Variants in MKKS observed in about 807,000 individuals in gnomAD.
MKKS encodes the protein MKKS centrosomal shuttling protein, also known as molecular chaperone MKKS.
A neutral mutation model predicts 33.2 loss-of-function variants in MKKS; 29 were observed. The observed-to-expected ratio is 0.87, with a 90% confidence interval of 0.65 to 1.19. MKKS has a LOEUF of 1.19. MKKS is among the 50% of genes most tolerant of loss of function. MKKS has a pLI of 0.00. For synonymous variants in MKKS, 260 were observed against 244.0 expected (o/e 1.07, Z -0.61); for missense variants, 661 against 662.3 (o/e 1.00, Z 0.02).
In MKKS at chr20:10,413,637, G is replaced by T; in HGVS notation, c.-123C>A. ...TTAGGAATTAAAGTATGAATATGCAGCATTGTGGCTATAAAATCAAAAAGT... is the reference window on the plus strand; with the variant it reads ...TTAGGAATTAAAGTATGAATATGCATCATTGTGGCTATAAAATCAAAAAGT... On this transcript the variant is annotated 5_prime_UTR_variant, in exon 3 of 6. In the 5' UTR this introduces an upstream ATG that the reference lacks. Transcript: ENST00000347364. 1.8e-6 allele frequency: 2 copies of T among 1,082,488 alleles called. No homozygotes were observed. The highest frequency in any genetic ancestry group is 1.4e-5 in the South Asian group (1 of 73,476). 67.1% of individuals were successfully genotyped at this position (1,082,488 alleles called of 1,614,324 possible).
intron 1 of MKKS, among the ~76,000 whole-genome samples, chr20:10,423,247 C>T (rs570165914): frequency 2.1e-4 from 32 of 152,142 alleles, no homozygotes; most frequent in Admixed American, 5.9e-4. Flanking sequence ...TGGCAAAACC[C>T]GTTTCTACAA....
intron 3 of MKKS, among the ~76,000 whole-genome samples, chr20:10,409,196 C>T (rs184754874): frequency 1.4e-4 from 20 of 147,760 alleles, no homozygotes; most frequent in African/African-American, 5.1e-4. Flanking sequence ...ATGTGACAGG[C>T]TATTTTTTTT....
At chr20:10,410,155 T>C (rs1876846809) in intron 3 of MKKS, among the ~76,000 whole-genome samples, 1 of 152,056 alleles carries the variant, frequency 6.6e-6, no homozygotes, top group South Asian at 2.1e-4. Context: ...CCCAAAATCT[T>C]ATAGTATAAT....
intron 1 of MKKS, among the ~76,000 whole-genome samples, chr20:10,428,106 T>C (rs1317422438): frequency 1.3e-5 from 2 of 152,242 alleles, no homozygotes. Flanking sequence ...GTAGGCAGTC[T>C]CAAATATTAA....
chr20:10,425,673 T>C lies in MKKS; in HGVS notation c.-648-4915A>G, dbSNP rs150195988. Among the ~76,000 whole-genome samples, 568 of 152,318 alleles carry C rather than the reference T, an allele frequency of 3.7e-3. 8 individuals carry two copies. The highest frequency in any genetic ancestry group is 0.013 in the African/African-American group (526 of 41,564). Reference sequence around the variant, plus strand: ...AGAGATTCTGAGTCTAAAACAAAGATTTCTCAAGAATAAGCTCAAAATGAT... The same window carrying C: ...AGAGATTCTGAGTCTAAAACAAAGACTTCTCAAGAATAAGCTCAAAATGAT... On this transcript the variant is annotated intron_variant, in intron 1 of 5. Coordinates refer to ENST00000347364, the MANE Select transcript of MKKS (RefSeq NM_170784.3).
chr20:10,430,430 G>A (rs936567784), intron 1 of MKKS, among the ~76,000 whole-genome samples: 7 of 150,766 alleles, frequency 4.6e-5, no homozygotes, highest in Non-Finnish European at 7.4e-5. Flanking sequence ...ACTTTGTCTG[G>A]GCTCAGTAAT....
At chr20:10,430,171 T>C (rs1156380456) in intron 1 of MKKS, among the ~76,000 whole-genome samples, 1 of 152,246 alleles carries the variant, frequency 6.6e-6, no homozygotes, top group African/African-American at 2.4e-5. Flanking sequence ...ATCTAGATCC[T>C]GCCTACCAGT....
At chr20:10,416,772 CAT>C (rs1429183304) in intron 2 of MKKS, among the ~76,000 whole-genome samples, 2 of 152,150 alleles carry the variant, frequency 1.3e-5, no homozygotes, top group Non-Finnish European at 2.9e-5. Flanking sequence ...GCATTAGACC[CAT>C]ATATGGTGGT....
intron 2 of MKKS, among the ~76,000 whole-genome samples, chr20:10,414,560 C>T (rs1165303077): frequency 1.3e-5 from 2 of 152,018 alleles, no homozygotes; most frequent in South Asian, 2.1e-4. Context: ...CCACTGTGCC[C>T]GGCAAGTCTC....
intron 2 of MKKS, among the ~76,000 whole-genome samples, chr20:10,417,673 A>T (rs1208432845): frequency 1.5e-4 from 1 of 6,834 alleles, no homozygotes; most frequent in Non-Finnish European, 3.1e-4. Flanking sequence ...CTTCTCTGTA[A>T]AAAAAAAAAA....
intron 1 of MKKS, among the ~76,000 whole-genome samples, chr20:10,430,078 CT>C (rs2065044262): frequency 6.6e-6 from 1 of 152,198 alleles, no homozygotes; most frequent in Non-Finnish European, 1.5e-5. Context: ...TGTATTCCTG[CT>C]TTGCTTAAAA....
intron 2 of MKKS, among the ~76,000 whole-genome samples, chr20:10,418,065 A>G (rs1326624967): frequency 6.6e-6 from 1 of 152,250 alleles, no homozygotes; most frequent in Non-Finnish European, 1.5e-5. Context: ...GGCCTTGGGT[A>G]TCAAATTGTA....
At chr20:10,432,853 T>C (rs1304146661) in intron 1 of MKKS, among the ~76,000 whole-genome samples, 4 of 149,820 alleles carry the variant, frequency 2.7e-5, no homozygotes, top group African/African-American at 7.4e-5. Flanking sequence ...CCTCCTTCCA[T>C]GTACCTTAAA....
intron 3 of MKKS, among the ~76,000 whole-genome samples, chr20:10,410,717 TA>T (rs1419873537): frequency 3.3e-5 from 5 of 152,288 alleles, no homozygotes; most frequent in Non-Finnish European, 7.4e-5. Flanking sequence ...ATATCATTAA[TA>T]AACAGGAATT....
chr20:10,426,800 A>G (rs983418402), intron 1 of MKKS, among the ~76,000 whole-genome samples: 1 of 152,206 alleles, frequency 6.6e-6, no homozygotes, highest in African/African-American at 2.4e-5. Context: ...GGAGGTAAGA[A>G]AAACAAAAAA....
chr20:10,407,946 A>G (rs1220873015), intron 4 of MKKS, among the ~76,000 whole-genome samples: 1 of 152,226 alleles, frequency 6.6e-6, no homozygotes, highest in East Asian at 1.9e-4. Context: ...GTTTTCACGG[A>G]GCCAGATTAG....
rs376038160 is a variant in MKKS at position 10,405,591 on chromosome 20, C to T, written c.1369G>A (p.Val457Ile). The stretch of plus-strand genomic sequence containing the variant: ...CCATCATGTTCTAAAGAGCCAACAA[C>T]AGATTCTAGGGCACTGCAAAATGCT... ...AEAFCSALES[V>I]VGSLEHDGGE... The change falls in exon 6 of 6, where the codon GTT becomes ATT. Residue 457 changes from valine to isoleucine, a missense_variant. Transcript: ENST00000347364. The T allele has an allele frequency of 5.6e-6, 9 of 1,614,034 alleles. No individual in the cohort carries two copies. The African/African-American group carries it at 1.1e-4, about 19-fold the overall frequency.
chr20:10,414,066 A>ATG, intron 2 of MKKS, 135 bp from the exon 3 acceptor site: 1 of 370,908 alleles, frequency 2.7e-6, no homozygotes, highest in Non-Finnish European at 4.7e-6. Flanking sequence ...CGTCCAGAAA[A>ATG]TGAGAAAGGT....
rs147688404 is a variant in MKKS at position 10,405,271 on chromosome 20, T to A, written c.1689A>T (p.Ser563=). The part of the protein sequence containing the change: ...VETANLILDL[S]YVIEDKN ...CTTAGTTTTTATCTTCAATAACATA[T>A]GAAAGATCCAAAATCAAATTGGCTG... The change falls in exon 6 of 6, where the codon TCA becomes TCT. Residue 563 remains serine, a synonymous_variant. Coordinates refer to ENST00000347364, the MANE Select transcript of MKKS (RefSeq NM_170784.3). The A allele has an allele frequency of 1.3e-4, 208 of 1,612,864 alleles. No individual in the cohort carries two copies. The highest frequency in any genetic ancestry group is 1.3e-3 in the Admixed American group (76 of 59,784).
Sources: allele counts gnomAD v4.1 joint callset (sites outside exome capture counted in the v4.1 genomes callset), GRCh38; gene constraint gnomAD v4.1.1; transcripts MANE v1.5; gene names NCBI Gene and HGNC (gene_info 2026-07-23, HGNC 2026-07-21).